LMO3: variants seen among roughly 807,000 people sequenced by gnomAD.
The protein encoded by LMO3 is LIM domain only protein 3.
A neutral mutation model predicts 15.8 loss-of-function variants in LMO3; 2 were observed. That is an observed-to-expected ratio of 0.13 (90% CI 0.05 to 0.40). The LOEUF (loss-of-function observed/expected upper bound fraction) is 0.40, where lower values mean the gene tolerates loss of function less well. Ranked by LOEUF, LMO3 falls within the 10% of genes least tolerant of loss-of-function variation. LMO3 has a pLI of 0.99. For synonymous variants in LMO3, 62 were observed against 63.8 expected (o/e 0.97, Z 0.13); for missense variants, 86 against 182.2 (o/e 0.47, Z 3.04).
chr12:16,581,387 C>T (rs1226398824), intron 2 of LMO3, among the ~76,000 whole-genome samples: 2 of 152,078 alleles, frequency 1.3e-5, no homozygotes, highest in African/African-American at 4.8e-5. Context: ...ACTGTAGTTC[C>T]CAAGGGCTAG....
In LMO3 at chr12:16,559,461, G is replaced by C. The variant is rs936891447; in HGVS notation, c.332+952C>G. Among the ~76,000 whole-genome samples, 7 of 151,702 alleles carry C rather than the reference G, an allele frequency of 4.6e-5. No homozygotes were observed. The highest frequency in any genetic ancestry group is 1.0e-4 in the Non-Finnish European group (7 of 68,012). ...TCCAGAGAGGGAAGGTGTTTGTTTG[G>C]TTTAAGATCGCACAGCTTATTAGTG... On this transcript the variant is annotated intron_variant, in intron 3 of 3. Coordinates refer to ENST00000537304, the MANE Select transcript of LMO3 (RefSeq NM_018640.5). The surrounding 1 kb of genome is among the most constrained non-coding windows in gnomAD (Gnocchi z 4.1).
intron 2 of LMO3, among the ~76,000 whole-genome samples, chr12:16,579,400 AT>A (rs1225820711): frequency 1.3e-5 from 2 of 152,138 alleles, no homozygotes; most frequent in South Asian, 2.1e-4. Context: ...ATGAGAAACA[AT>A]TTTTTTGGTA....
At chr12:16,573,663 T>TC (rs1350281734) in intron 2 of LMO3, 5 of 152,276 alleles carry the variant, frequency 3.3e-5, no homozygotes, top group South Asian at 2.1e-4. Context: ...TCTCTGAGGC[T>TC]CCCTTCCTGC....
At chr12:16,595,875 T>C (rs1009918896) in intron 2 of LMO3, among the ~76,000 whole-genome samples, 1 of 151,340 alleles carries the variant, frequency 6.6e-6, no homozygotes, top group East Asian at 1.9e-4. Context: ...TAAAAAGTGG[T>C]TTTTCAAATA....
chr12:16,595,411 G>T (rs978335047), intron 2 of LMO3, among the ~76,000 whole-genome samples: 3 of 151,340 alleles, frequency 2.0e-5, no homozygotes, highest in African/African-American at 7.3e-5. Flanking sequence ...ATTTTTAATA[G>T]AAGTTGTTTG....
chr12:16,592,674 A>G (rs1380379221), intron 2 of LMO3, among the ~76,000 whole-genome samples: 1 of 151,984 alleles, frequency 6.6e-6, no homozygotes, highest in Admixed American at 6.6e-5. Context: ...TGAGCAGCTA[A>G]TAAACAAAAA....
In LMO3 at chr12:16,560,454, A is replaced by G. The variant is rs1231964332; in HGVS notation, c.291T>C (p.Val97=). Residue 97 remains valine, a synonymous_variant, in exon 3 of 4, where the codon GTT becomes GTC. Coordinates refer to ENST00000537304, the MANE Select transcript of LMO3 (RefSeq NM_018640.5). The surrounding 1 kb of genome is among the most constrained non-coding windows in gnomAD (Gnocchi z 5.0). The part of the protein sequence containing the change: ...FEMVMRAKDN[V]YHLDCFACQL... ...GACATGCAAAGCAGTCCAGGTGGTA[A>G]ACATTGTCCTTGGCACGCATCACCA... The G allele has an allele frequency of 6.2e-7, 1 of 1,613,890 alleles. No individual in the cohort carries two copies. The highest frequency in any genetic ancestry group is 8.5e-7 in the Non-Finnish European group (1 of 1,179,924).
Position 16,551,186 on chromosome 12 carries a change from A to T in LMO3, c.*36T>A. The T allele has an allele frequency of 8.0e-7, 1 of 1,255,838 alleles. No homozygotes were observed. The highest frequency in any genetic ancestry group is 1.2e-6 in the Non-Finnish European group (1 of 853,838). 77.8% of individuals were successfully genotyped at this position (1,255,838 alleles called of 1,614,324 possible). On this transcript the variant is annotated 3_prime_UTR_variant, in exon 4 of 4. Coordinates refer to ENST00000537304, the MANE Select transcript of LMO3 (RefSeq NM_018640.5). ...TGGAGCAAAAAAGATAAAAGAATGT[A>T]GTGCTTTGTATTCTTAATGGGGTGA...
chr12:16,588,058 T>C (rs1943375906), intron 2 of LMO3, among the ~76,000 whole-genome samples: 1 of 152,140 alleles, frequency 6.6e-6, no homozygotes, highest in Non-Finnish European at 1.5e-5. Flanking sequence ...TTCACAAGTA[T>C]CTTTATCAAA....
rs1470045137 is a variant in LMO3, at chr12:16,548,635, A to T, written c.*2587T>A. ...TACTGGAGGCATCAGACAACAAGCT[A>T]AATGACGTTAGGGCTACACAACACA... On this transcript the variant is annotated 3_prime_UTR_variant, in exon 4 of 4. Coordinates refer to ENST00000537304, the MANE Select transcript of LMO3 (RefSeq NM_018640.5). The surrounding 1 kb of genome is among the most constrained non-coding windows in gnomAD (Gnocchi z 4.2). 4 of 152,154 alleles carry T rather than the reference A, an allele frequency of 2.6e-5. No homozygotes were observed. Among genetic ancestry groups the T allele is most frequent in the Admixed American group, 1.3e-4 (2 of 15,262 alleles). 9.4% of individuals were successfully genotyped at this position (152,154 alleles called of 1,614,324 possible).
intron 2 of LMO3, among the ~76,000 whole-genome samples, chr12:16,570,770 C>T (rs75590903): frequency 0.038 from 5,766 of 152,230 alleles, 193 homozygotes; most frequent in African/African-American, 0.09. Flanking sequence ...TTAGTGACAA[C>T]AGTCACCTGA....
At position 16,560,398 on chromosome 12, in the gene LMO3, A is replaced by AAGAG. The variant is rs1303736161; in HGVS notation, c.332+11_332+14dup. ...GGTTAACCATTTCTTAGAGACCAAA[A>AAGAG]AGAGACCTGCTTACCTCTGATTACA... On this transcript the variant is annotated intron_variant, in intron 3 of 3. Transcript: ENST00000537304. The surrounding 1 kb of genome is among the most constrained non-coding windows in gnomAD (Gnocchi z 5.0). 2 of 1,610,010 alleles carry AAGAG rather than the reference A, an allele frequency of 1.2e-6. No homozygotes were observed. Among genetic ancestry groups the AAGAG allele is most frequent in the South Asian group, 2.2e-5 (2 of 90,004 alleles).
rs770977706 is a variant in LMO3 at position 16,587,826 on chromosome 12, G to C, written c.206+12829C>G. On this transcript the variant is annotated intron_variant, in intron 2 of 3. Coordinates refer to ENST00000537304, the MANE Select transcript of LMO3 (RefSeq NM_018640.5). This position sits in a 1 kb window ranked among gnomAD's most constrained non-coding sequence, Gnocchi z 4.3. ...GAATGGGGGGTTTCAGGGGGAGGGA[G>C]AGGAACCTTGTCTCATATTAATGCT... is the stretch of plus-strand genomic sequence containing the variant. Among the ~76,000 whole-genome samples the C allele has an allele frequency of 2.6e-5, 4 of 152,058 alleles. No homozygotes were observed. Among genetic ancestry groups the C allele is most frequent in the South Asian group, 2.1e-4 (1 of 4,822 alleles).
rs986461712 is a variant in LMO3, at chr12:16,578,936, TAAAAA to T, written c.207-18403_207-18399del. ...ATACTTAACAAAGTCTCACTTGAAA[TAAAAA>T]GAAAAGAAAAAGTTCTTTATTCTAA... On this transcript the variant is annotated intron_variant, in intron 2 of 3. Transcript: ENST00000537304. Among the ~76,000 whole-genome samples the T allele has an allele frequency of 2.4e-4, 36 of 152,112 alleles. 1 individual carries two copies. Among genetic ancestry groups the T allele is most frequent in the Admixed American group, 1.8e-3 (28 of 15,268 alleles).
rs1259429793 is a variant in LMO3 at position 16,576,408 on chromosome 12, C to T, written c.207-15870G>A. Among the ~76,000 whole-genome samples the T allele has an allele frequency of 6.6e-6, 1 of 152,206 alleles. No individual in the cohort carries two copies. On this transcript the variant is annotated intron_variant, in intron 2 of 3. Transcript: ENST00000537304. The surrounding 1 kb of genome is among the most constrained non-coding windows in gnomAD (Gnocchi z 4.1). ...ACCACTCCTGCCTGCTGAGTTCCTA[C>T]TAAATCTATTCTTCCTGGAAGACTA...
chr12:16,607,606 C>G (rs1397367677), upstream of LMO3: 1 of 152,114 alleles, frequency 6.6e-6, no homozygotes, highest in African/African-American at 2.4e-5. Context: ...CCAGATTTTA[C>G]AAAGCTTTGT....
intron 2 of LMO3, among the ~76,000 whole-genome samples, chr12:16,583,046 C>CAAA (rs55665813): frequency 1.3e-4 from 17 of 126,662 alleles, no homozygotes; most frequent in East Asian, 7.0e-4. Context: ...GACTCCGCCT[C>CAAA]AAAAAAAAAA....
chr12:16,573,311 A>G (rs762177597), intron 2 of LMO3, among the ~76,000 whole-genome samples: 4 of 152,166 alleles, frequency 2.6e-5, no homozygotes, highest in Non-Finnish European at 4.4e-5. Context: ...TGAAACAAAA[A>G]TTTTGAACTC....
chr12:16,572,117 T>A (rs945447219), intron 2 of LMO3, among the ~76,000 whole-genome samples: 3 of 151,922 alleles, frequency 2.0e-5, no homozygotes, highest in Admixed American at 6.6e-5. Context: ...AAGAAAAAGG[T>A]ACATTTCATT....
Sources: allele counts gnomAD v4.1 joint callset (sites outside exome capture counted in the v4.1 genomes callset), GRCh38; gene constraint gnomAD v4.1.1; non-coding constraint Gnocchi (gnomAD v3.1); transcripts MANE v1.5; gene names NCBI Gene and HGNC (gene_info 2026-07-23, HGNC 2026-07-21).